PTPN21: variants seen among roughly 807,000 people sequenced by gnomAD.
The protein encoded by PTPN21 is protein tyrosine phosphatase non-receptor type 21.
A neutral mutation model predicts 131.8 loss-of-function variants in PTPN21; 77 were observed. The ratio of observed to expected loss-of-function variants is 0.58; its 90% CI spans 0.49 to 0.71. PTPN21 has a LOEUF of 0.71. Among genes scored for constraint, PTPN21 ranks in the 30% least tolerant of loss-of-function variants. The pLI, the probability that PTPN21 is intolerant of heterozygous loss-of-function variation, is 0.00. For missense variants in PTPN21, 1,552 were observed against 1,527.1 expected (o/e 1.02, Z -0.27); for synonymous variants, 715 against 621.3 (o/e 1.15, Z -2.24).
chr14:88,496,027 G>A (rs186722886), intron 10 of PTPN21, among the ~76,000 whole-genome samples: 150 of 152,270 alleles, frequency 9.9e-4, no homozygotes, highest in African/African-American at 3.4e-3. Context: ...GTGCTTTATT[G>A]ATCTGGCAAA....
chr14:88,494,842 T>C (rs1477021562), intron 10 of PTPN21, among the ~76,000 whole-genome samples: 2 of 151,138 alleles, frequency 1.3e-5, no homozygotes, highest in East Asian at 2.0e-4. Context: ...TGAAACCCCA[T>C]CTCTACTAAA....
chr14:88,518,416 T>TA (rs2078334519), intron 2 of PTPN21, among the ~76,000 whole-genome samples: 5 of 7,802 alleles, frequency 6.4e-4, no homozygotes, highest in Non-Finnish European at 7.9e-4. Flanking sequence ...ATATATATAT[T>TA]TTTTTTTTTT....
Position 88,518,386 on chromosome 14 carries a change from G to GTGTA in PTPN21, c.181-1126_181-1125insTACA, listed in dbSNP as rs1259300832. On this transcript the variant is annotated intron_variant, in intron 2 of 18. Coordinates refer to ENST00000556564, the MANE Select transcript of PTPN21 (RefSeq NM_007039.4). ...CACGTGTGTGTGTATGTGTGTGTGT[G>GTGTA]TATATATATATATATATATATATAT... 9.5e-3 allele frequency among the ~76,000 whole-genome samples: 92 copies of GTGTA among 9,686 alleles called. 1 individual carries two copies. Among genetic ancestry groups the GTGTA allele is most frequent in the East Asian group, 0.026 (3 of 114 alleles). 6.4% of individuals were successfully genotyped at this position (9,686 alleles called of 152,430 possible).
chr14:88,487,881 G>C (rs1049216946), intron 10 of PTPN21, among the ~76,000 whole-genome samples: 2 of 150,482 alleles, frequency 1.3e-5, no homozygotes, highest in African/African-American at 4.9e-5. Context: ...CAGGAGAATC[G>C]CTTGAGCCAA....
intron 1 of PTPN21, among the ~76,000 whole-genome samples, chr14:88,554,276 G>A (rs1189307822): frequency 6.6e-6 from 1 of 152,156 alleles, no homozygotes; most frequent in East Asian, 1.9e-4. Flanking sequence ...AACAAACCCA[G>A]GCGTTACCAA....
chr14:88,493,868 G>A (rs1028044763), intron 10 of PTPN21, among the ~76,000 whole-genome samples: 1 of 152,142 alleles, frequency 6.6e-6, no homozygotes, highest in African/African-American at 2.4e-5. Context: ...TTGAATCAGA[G>A]CTCTTAACAC....
intron 6 of PTPN21, 65 bp downstream of exon 6, chr14:88,504,360 G>T: frequency 1.6e-6 from 2 of 1,213,054 alleles, no homozygotes; most frequent in Non-Finnish European, 2.4e-6. Flanking sequence ...ATATTTAATT[G>T]AATATTTCAA....
chr14:88,493,217 T>G (rs908249679), intron 10 of PTPN21: 2 of 357,676 alleles, frequency 5.6e-6, no homozygotes, highest in Admixed American at 7.9e-5. Flanking sequence ...GAGCAAGCAT[T>G]TACTAAATTA....
At chr14:88,486,937 T>C (rs370530888) in intron 10 of PTPN21, among the ~76,000 whole-genome samples, 2 of 148,654 alleles carry the variant, frequency 1.3e-5, no homozygotes, top group African/African-American at 5.0e-5. Context: ...GATTGCGCCA[T>C]TGCACTCCAG....
chr14:88,470,233 G>A (rs931299115), intron 15 of PTPN21, 183 bp from the exon 16 acceptor site: 1 of 612,542 alleles, frequency 1.6e-6, no homozygotes, highest in Non-Finnish European at 2.8e-6. Context: ...AATACAATTT[G>A]CATTACTGAC....
chr14:88,514,465 T>C lies in PTPN21; in HGVS notation c.350+2627A>G, dbSNP rs958761724. On this transcript the variant is annotated intron_variant, in intron 3 of 18. Coordinates refer to ENST00000556564, the MANE Select transcript of PTPN21 (RefSeq NM_007039.4). ...TGTTGTTCTCCCCCTTTGTTTTCTT[T>C]TTTCTTTTTTTTTTTTGAGACAGAG... 2.0e-5 allele frequency among the ~76,000 whole-genome samples: 3 copies of C among 148,822 alleles called. No homozygotes were observed. In the East Asian group the frequency reaches 5.9e-4, roughly 29 times the overall value.
intron 5 of PTPN21, among the ~76,000 whole-genome samples, chr14:88,504,810 C>T (rs1041701875): frequency 6.6e-6 from 1 of 152,188 alleles, no homozygotes; most frequent in African/African-American, 2.4e-5. Flanking sequence ...TTCTCTGGCA[C>T]TGTGTAGACA....
Position 88,479,905 on chromosome 14 carries a change from T to C in PTPN21, c.1526A>G (p.His509Arg). ...GCTGTAGCTCAGGCTGAACGGGCAG[T>C]GTGCGGCCGCTGGCGAGGGGAGCTG... ...HAQLPSPAAA[H>R]CPFSLSYSFH... Residue 509 changes from histidine to arginine, a missense_variant, in exon 13 of 19, where the codon CAC becomes CGC. By Grantham distance (29) the His-to-Arg change is conservative. Transcript: ENST00000556564. The C allele has an allele frequency of 3.1e-6, 5 of 1,598,410 alleles. No individual in the cohort carries two copies. Among genetic ancestry groups the C allele is most frequent in the Non-Finnish European group, 3.4e-6 (4 of 1,176,664 alleles).
intron 1 of PTPN21, among the ~76,000 whole-genome samples, chr14:88,553,165 C>T (rs900530806): frequency 7.9e-5 from 12 of 152,072 alleles, no homozygotes; most frequent in Admixed American, 2.6e-4. Context: ...TTTCAATTGT[C>T]CCTCAGACTT....
chr14:88,474,201 AT>A (rs11372490), intron 13 of PTPN21, among the ~76,000 whole-genome samples: 8 of 146,270 alleles, frequency 5.5e-5, no homozygotes, highest in Admixed American at 1.4e-4. Context: ...GCTTTTATAA[AT>A]TTTTTTTTTG....
intron 3 of PTPN21, chr14:88,515,549 TACCTGA>T: frequency 6.6e-6 from 1 of 152,294 alleles, no homozygotes; most frequent in East Asian, 1.9e-4. Context: ...CCTTAGGTAA[TACCTGA>T]AACTTCCTGA....
intron 10 of PTPN21, among the ~76,000 whole-genome samples, chr14:88,489,362 CAAGG>C (rs1008639308): frequency 2.6e-5 from 4 of 152,118 alleles, no homozygotes; most frequent in African/African-American, 9.7e-5. Context: ...ATAGATAGTT[CAAGG>C]AATAGATTCC....
chr14:88,468,713 G>A lies in PTPN21; in HGVS notation c.3396+203C>T, dbSNP rs144554433. Among the ~76,000 whole-genome samples, 1,222 of 152,202 alleles carry A rather than the reference G, an allele frequency of 8.0e-3. 13 individuals carry two copies. Among genetic ancestry groups the A allele is most frequent in the Middle Eastern group, 0.024 (7 of 294 alleles). On this transcript the variant is annotated intron_variant, in intron 18 of 18. Transcript: ENST00000556564. ...ACAAAATTAAACAGCTTTATTTATC[G>A]TATGACTTCTTAGTCTTTAATATGC...
At chr14:88,535,463 C>G (rs979711412) in intron 2 of PTPN21, among the ~76,000 whole-genome samples, 1 of 152,160 alleles carries the variant, frequency 6.6e-6, no homozygotes, top group Non-Finnish European at 1.5e-5. Context: ...TTACCACTTG[C>G]CAGCTCTGGA....
Sources: allele counts gnomAD v4.1 joint callset (sites outside exome capture counted in the v4.1 genomes callset), GRCh38; gene constraint gnomAD v4.1.1; transcripts MANE v1.5; gene names NCBI Gene and HGNC (gene_info 2026-07-23, HGNC 2026-07-21).